The following OR10H5 variants were observed in gnomAD, a reference collection of about 807,000 sequenced individuals.
The protein encoded by OR10H5 is olfactory receptor family 10 subfamily H member 5.
OR10H5 carries 7 observed loss-of-function variants against 12.2 expected under a neutral mutation model. The ratio of observed to expected loss-of-function variants is 0.57; its 90% CI spans 0.33 to 1.07. The LOEUF is 1.07. OR10H5 is among the 50% of genes least tolerant of loss of function. The pLI, the probability that OR10H5 is intolerant of heterozygous loss-of-function variation, is 0.04. For missense variants in OR10H5, 346 were observed against 411.6 expected, an observed-to-expected ratio of 0.84 and a Z score of 1.38; for synonymous variants, 159 against 175.1, an observed-to-expected ratio of 0.91 and a Z score of 0.73.
At chr19:15,792,080 A>T (rs1427490358) in intron 1 of OR10H5, among the ~76,000 whole-genome samples, 1 of 152,114 alleles carries the variant, frequency 6.6e-6, no homozygotes, top group Non-Finnish European at 1.5e-5. Context: ...AATAAGTTAC[A>T]ATTAGCCATA....
At position 15,797,042 on chromosome 19, in the gene OR10H5, T is replaced by C. The variant is rs2088843052; in HGVS notation, c.*2046T>C. 6.6e-6 allele frequency: 1 copy of C among 152,156 alleles called. No individual in the cohort carries two copies. Among genetic ancestry groups the C allele is most frequent in the East Asian group, 1.9e-4 (1 of 5,186 alleles). 9.4% of individuals were successfully genotyped at this position (152,156 alleles called of 1,614,324 possible). ...CAGGAGGCTGAGGCAGGAGAATTGC[T>C]TGAATCCAGGAGGCGAAGGTTGCAG... On this transcript the variant is annotated 3_prime_UTR_variant, in exon 2 of 2. Coordinates refer to ENST00000642092, the MANE Select transcript of OR10H5 (RefSeq NM_001004466.2).
Position 15,794,472 on chromosome 19 carries a change from A to G in OR10H5, c.424A>G (p.Thr142Ala), listed in dbSNP as rs557841248. ...YNVLMSLRGCTCRVGCSWAGG... is the reference protein window; with the variant it reads ...YNVLMSLRGCACRVGCSWAGG... Reference sequence around the variant, plus strand: ...CGTGCTCATGAGCCTGCGGGGCTGCACCTGCCGGGTGGGCTGCTCCTGGGC... The same window carrying G: ...CGTGCTCATGAGCCTGCGGGGCTGCGCCTGCCGGGTGGGCTGCTCCTGGGC... The change falls in exon 2 of 2, where the codon ACC (threonine) becomes GCC (alanine). Residue 142 changes from threonine (T) to alanine (A), a missense_variant. Thr to Ala is a moderately conservative substitution (Grantham distance 58). Transcript: ENST00000642092. 2.5e-5 allele frequency: 40 copies of G among 1,614,074 alleles called. No homozygotes were observed. Among genetic ancestry groups the G allele is most frequent in the South Asian group, 9.9e-5 (9 of 91,080 alleles).
Position 15,794,391 on chromosome 19 carries a change from C to T in OR10H5, c.343C>T (p.Leu115Phe), listed in dbSNP as rs781712488. The T allele has an allele frequency of 6.2e-7, 1 of 1,614,224 alleles. No homozygotes were observed. The highest frequency in any genetic ancestry group is 8.5e-7 in the Non-Finnish European group (1 of 1,180,038). The change falls in exon 2 of 2, where the codon CTC becomes TTC. Residue 115 changes from leucine (L) to phenylalanine (F), a missense_variant. By Grantham distance (22) the Leu-to-Phe change is conservative. Coordinates refer to ENST00000642092, the MANE Select transcript of OR10H5 (RefSeq NM_001004466.2). ...CTTCGGCTTCACCCACTCCTTCCTG[C>T]TCACTGTCATGGGCTACGACCGCTA... ...FSFGFTHSFLLTVMGYDRYVA... is the reference protein window; with the variant it reads ...FSFGFTHSFLFTVMGYDRYVA...
chr19:15,795,045 C>G lies in OR10H5; in HGVS notation c.*49C>G. 6.7e-7 allele frequency: 1 copy of G among 1,489,406 alleles called. No homozygotes were observed. The highest frequency in any genetic ancestry group is 9.2e-7 in the Non-Finnish European group (1 of 1,085,796). 92.3% of individuals were successfully genotyped at this position (1,489,406 alleles called of 1,614,324 possible). A position where few individuals can be genotyped will look rare whatever the true frequency, so the allele number is the denominator to read the frequency against. ...ATGTAGCGAATGGGAACACTTTAGT[C>G]TTCCTCCTTTATTTCTTTTCCTTTC... On this transcript the variant is annotated 3_prime_UTR_variant, in exon 2 of 2. Transcript: ENST00000642092.
In OR10H5 at chr19:15,793,244, C is replaced by G. The variant is rs1428764931; in HGVS notation, c.-11-794C>G. Among the ~76,000 whole-genome samples, 2 of 152,110 alleles carry G rather than the reference C, an allele frequency of 1.3e-5. 1 individual carries two copies. The highest frequency in any genetic ancestry group is 2.9e-5 in the Non-Finnish European group (2 of 68,030). On this transcript the variant is annotated intron_variant, in intron 1 of 1. Transcript: ENST00000642092. ...AATCGATCCTCCCACCTCAGCCTCT[C>G]AACTAGCCAGGACCACAGACATGCA...
At chr19:15,790,937 G>A (rs751600722) in intron 1 of OR10H5, among the ~76,000 whole-genome samples, 6 of 152,248 alleles carry the variant, frequency 3.9e-5, no homozygotes, top group African/African-American at 1.2e-4. Context: ...ATTCGAAAAC[G>A]TGCTATCACA....
At chr19:15,791,608 C>T (rs1055701969) in intron 1 of OR10H5, among the ~76,000 whole-genome samples, 2 of 152,198 alleles carry the variant, frequency 1.3e-5, no homozygotes, top group South Asian at 2.1e-4. Context: ...CATCATGTCT[C>T]ACTTCTACTT....
intron 1 of OR10H5, among the ~76,000 whole-genome samples, chr19:15,793,081 T>C (rs964602236): frequency 2.0e-5 from 3 of 152,330 alleles, no homozygotes; most frequent in African/African-American, 7.2e-5. Flanking sequence ...GCAAGTAAGA[T>C]GCATGATCTT....
At position 15,794,579 on chromosome 19, in the gene OR10H5, C is replaced by A. The variant is rs1305543731; in HGVS notation, c.531C>A (p.Phe177Leu). 1 of 1,614,232 alleles carries A rather than the reference C, an allele frequency of 6.2e-7. No individual in the cohort carries two copies. Among genetic ancestry groups the A allele is most frequent in the Admixed American group, 1.7e-5 (1 of 60,018 alleles). The part of the protein sequence containing the change: ...AFCGHKEIHH[F>L]FCHVPPLLKL... ...GTGGACACAAGGAGATCCACCATTT[C>A]TTCTGCCACGTGCCACCTCTGTTGA... Residue 177 changes from phenylalanine to leucine, a missense_variant, in exon 2 of 2, where the codon TTC becomes TTA. By Grantham distance (22) the Phe-to-Leu change is conservative. Transcript: ENST00000642092.
In OR10H5 at chr19:15,792,447, C is replaced by T. The variant is rs566146367; in HGVS notation, c.-11-1591C>T. ...CTTTAGTCTGACCATCCATGCCGGC[C>T]CTCAATCTTAAATTCTTTGTTTGTT... On this transcript the variant is annotated intron_variant, in intron 1 of 1. Coordinates refer to ENST00000642092, the MANE Select transcript of OR10H5 (RefSeq NM_001004466.2). 3.3e-5 allele frequency among the ~76,000 whole-genome samples: 5 copies of T among 152,096 alleles called. No homozygotes were observed. In the South Asian group the frequency reaches 1.0e-3, roughly 32 times the overall value.
chr19:15,794,588 C>T lies in OR10H5; in HGVS notation c.540C>T (p.His180=), dbSNP rs766446873. 39 of 1,614,062 alleles carry T rather than the reference C, an allele frequency of 2.4e-5. 1 individual carries two copies. Among genetic ancestry groups the T allele is most frequent in the Admixed American group, 1.2e-4 (7 of 59,990 alleles). Residue 180 remains histidine (H), a synonymous_variant, in exon 2 of 2, where the codon CAC becomes CAT. Coordinates refer to ENST00000642092, the MANE Select transcript of OR10H5 (RefSeq NM_001004466.2). ...GHKEIHHFFC[H]VPPLLKLACG... Reference sequence around the variant, plus strand: ...AGGAGATCCACCATTTCTTCTGCCACGTGCCACCTCTGTTGAAGTTGGCCT... The same window carrying T: ...AGGAGATCCACCATTTCTTCTGCCATGTGCCACCTCTGTTGAAGTTGGCCT...
In OR10H5 at chr19:15,797,065, CA is replaced by C. The variant is rs2088843145; in HGVS notation, c.*2070del. ...GCTTGAATCCAGGAGGCGAAGGTTG[CA>C]GTGAGCCGAGATTGGGCCATGGCAC... On this transcript the variant is annotated 3_prime_UTR_variant, in exon 2 of 2. Transcript: ENST00000642092. 1 of 152,168 alleles carries C rather than the reference CA, an allele frequency of 6.6e-6. No homozygotes were observed. The highest frequency in any genetic ancestry group is 1.5e-5 in the Non-Finnish European group (1 of 68,086). The allele number at this position is 152,168 out of a possible 1,614,324, so 9.4% of individuals were successfully genotyped here.
chr19:15,792,033 A>C (rs1198562929), intron 1 of OR10H5, among the ~76,000 whole-genome samples: 2 of 152,022 alleles, frequency 1.3e-5, no homozygotes, highest in East Asian at 1.9e-4. Flanking sequence ...TCTCAAAAAA[A>C]AAAAAATCCT....
chr19:15,789,321 C>T (rs2088798327), intron 1 of OR10H5, among the ~76,000 whole-genome samples: 1 of 152,212 alleles, frequency 6.6e-6, no homozygotes. Context: ...TGTGGCATTG[C>T]TCAGATCTGT....
rs1031082297 is a variant in OR10H5, at chr19:15,791,700, T to A, written c.-11-2338T>A. On this transcript the variant is annotated intron_variant, in intron 1 of 1. Coordinates refer to ENST00000642092, the MANE Select transcript of OR10H5 (RefSeq NM_001004466.2). The stretch of plus-strand genomic sequence containing the variant: ...TGTTTGCATGAATTATTATTATTTT[T>A]TTTTTTTTTTGAGACGGAGTCTCGC... Among the ~76,000 whole-genome samples, 374 of 151,864 alleles carry A rather than the reference T, an allele frequency of 2.5e-3. 1 individual carries two copies. The highest frequency in any genetic ancestry group is 8.5e-3 in the African/African-American group (354 of 41,470).
At position 15,794,473 on chromosome 19, in the gene OR10H5, C is replaced by T; in HGVS notation, c.425C>T (p.Thr142Ile). 1 of 1,614,250 alleles carries T rather than the reference C, an allele frequency of 6.2e-7. No individual in the cohort carries two copies. The highest frequency in any genetic ancestry group is 8.5e-7 in the Non-Finnish European group (1 of 1,180,058). Residue 142 changes from threonine (T) to isoleucine (I), a missense_variant, in exon 2 of 2, where the codon ACC becomes ATC. Coordinates refer to ENST00000642092, the MANE Select transcript of OR10H5 (RefSeq NM_001004466.2). ...YNVLMSLRGC[T>I]CRVGCSWAGG... The stretch of plus-strand genomic sequence containing the variant: ...GTGCTCATGAGCCTGCGGGGCTGCA[C>T]CTGCCGGGTGGGCTGCTCCTGGGCT...
At chr19:15,788,294 C>G (rs2088792905) in intron 1 of OR10H5, among the ~76,000 whole-genome samples, 1 of 152,080 alleles carries the variant, frequency 6.6e-6, no homozygotes, top group South Asian at 2.1e-4. Context: ...AGCTACTCTC[C>G]CTCTGAAGAT....
chr19:15,789,440 TG>T (rs1320948398), intron 1 of OR10H5, among the ~76,000 whole-genome samples: 1 of 152,224 alleles, frequency 6.6e-6, no homozygotes. Flanking sequence ...GAGCAGGGTC[TG>T]GGAGCCTGCG....
rs2088856125 is a variant in OR10H5 at position 15,799,308 on chromosome 19, A to C, written c.*4312A>C. On this transcript the variant is annotated 3_prime_UTR_variant, in exon 2 of 2. Transcript: ENST00000642092. ...TTTTTTCTTCAGAGATTGGGGCATG[A>C]AATCTTCCATTCCTCTTTGCATTGC... 6.6e-6 allele frequency: 1 copy of C among 152,034 alleles called. No homozygotes were observed. The highest frequency in any genetic ancestry group is 1.5e-5 in the Non-Finnish European group (1 of 67,992). The allele number at this position is 152,034 out of a possible 1,614,324, so 9.4% of individuals were successfully genotyped here.
Sources: allele counts gnomAD v4.1 joint callset (sites outside exome capture counted in the v4.1 genomes callset), GRCh38; gene constraint gnomAD v4.1.1; transcripts MANE v1.5; gene names NCBI Gene and HGNC (gene_info 2026-07-23, HGNC 2026-07-21).